Variants in SYNDIG1 observed in about 807,000 individuals in gnomAD.
SYNDIG1 encodes synapse differentiation inducing 1, also known as synapse differentiation-inducing gene protein 1.
In SYNDIG1, 9 loss-of-function variants were observed where a neutral mutation model predicts 19.4. The observed-to-expected ratio is 0.46, with a 90% CI of 0.28 to 0.81. The LOEUF (loss-of-function observed/expected upper bound fraction) is 0.81, where lower values mean the gene tolerates loss of function less well. Among genes scored for constraint, SYNDIG1 ranks in the 30% least tolerant of loss-of-function variants. The pLI is 0.12. For synonymous variants in SYNDIG1, 141 were observed against 145.9 expected, an observed-to-expected ratio of 0.97 and a Z score of 0.24; for missense variants, 311 against 343.3, an observed-to-expected ratio of 0.91 and a Z score of 0.74.
At chr20:24,590,378 T>C (rs2058489536) in intron 3 of SYNDIG1, among the ~76,000 whole-genome samples, 1 of 151,758 alleles carries the variant, frequency 6.6e-6, no homozygotes, top group African/African-American at 2.4e-5. Flanking sequence ...CTTTAGGCTG[T>C]GACCGAGCGG....
At chr20:24,547,410 G>A (rs370011222) in intron 2 of SYNDIG1, among the ~76,000 whole-genome samples, 8 of 152,324 alleles carry the variant, frequency 5.3e-5, no homozygotes, top group Non-Finnish European at 1.2e-4. Context: ...AATATTTATG[G>A]GAGGTTCTCA....
At chr20:24,608,921 A>AT (rs1166814466) in intron 3 of SYNDIG1, among the ~76,000 whole-genome samples, 1 of 152,212 alleles carries the variant, frequency 6.6e-6, no homozygotes, top group African/African-American at 2.4e-5. Context: ...GAGGACAGTA[A>AT]TTTTGTGTGT....
chr20:24,550,842 C>T (rs1396362918), intron 2 of SYNDIG1, among the ~76,000 whole-genome samples: 1 of 152,140 alleles, frequency 6.6e-6, no homozygotes, highest in East Asian at 1.9e-4. Flanking sequence ...ACAGACCATC[C>T]TTGCATTTGG....
At chr20:24,556,484 CT>C (rs2057821027) in intron 2 of SYNDIG1, among the ~76,000 whole-genome samples, 1 of 152,130 alleles carries the variant, frequency 6.6e-6, no homozygotes, top group Non-Finnish European at 1.5e-5. Context: ...TTCAGGAGCT[CT>C]TTTAGGGCAG....
intron 2 of SYNDIG1, among the ~76,000 whole-genome samples, chr20:24,575,003 C>T (rs1319244712): frequency 6.6e-6 from 1 of 152,196 alleles, no homozygotes; most frequent in Non-Finnish European, 1.5e-5. Context: ...GCTTGTCTCC[C>T]TGGAGCACGG....
intron 1 of SYNDIG1, among the ~76,000 whole-genome samples, chr20:24,536,079 T>C (rs2057356039): frequency 6.6e-6 from 1 of 152,150 alleles, no homozygotes; most frequent in African/African-American, 2.4e-5. Flanking sequence ...TCATCAGAAC[T>C]GCAAGGATGG....
intron 2 of SYNDIG1, among the ~76,000 whole-genome samples, chr20:24,557,188 A>G (rs965651032): frequency 6.6e-6 from 1 of 152,112 alleles, no homozygotes; most frequent in African/African-American, 2.4e-5. Context: ...TGCATTGGTT[A>G]TTCTAGGTAT....
At chr20:24,480,030 A>G (rs1370684401) in intron 1 of SYNDIG1, among the ~76,000 whole-genome samples, 1 of 152,104 alleles carries the variant, frequency 6.6e-6, no homozygotes, top group Non-Finnish European at 1.5e-5. Context: ...CACACATTAC[A>G]TAGTCCCACA....
intron 2 of SYNDIG1, among the ~76,000 whole-genome samples, chr20:24,567,448 A>G (rs1156632522): frequency 6.6e-6 from 1 of 152,074 alleles, no homozygotes; most frequent in Non-Finnish European, 1.5e-5. Flanking sequence ...CCTCTGAAGG[A>G]CATCCCCAGC....
chr20:24,579,613 T>G (rs1329761079), intron 2 of SYNDIG1, among the ~76,000 whole-genome samples: 1 of 152,198 alleles, frequency 6.6e-6, no homozygotes, highest in African/African-American at 2.4e-5. Context: ...CACGTGTGGC[T>G]CCTGAGCATG....
intron 3 of SYNDIG1, among the ~76,000 whole-genome samples, chr20:24,644,064 C>T (rs1193616942): frequency 6.6e-6 from 1 of 152,232 alleles, no homozygotes; most frequent in Non-Finnish European, 1.5e-5. Flanking sequence ...ACTAGCTACA[C>T]GCAAACACCC....
chr20:24,498,308 G>A (rs2056350751), intron 1 of SYNDIG1, among the ~76,000 whole-genome samples: 1 of 152,144 alleles, frequency 6.6e-6, no homozygotes, highest in African/African-American at 2.4e-5. Context: ...TAGTATTTGT[G>A]ATAAGAACAC....
At chr20:24,534,575 C>T (rs6114760) in intron 1 of SYNDIG1, among the ~76,000 whole-genome samples, 89,342 of 152,090 alleles carry the variant, frequency 0.59, 27,706 homozygotes, top group East Asian at 0.72. Context: ...TTGCCGTCAG[C>T]GGGTCTTCAC....
chr20:24,549,281 T>C (rs576193780), intron 2 of SYNDIG1, among the ~76,000 whole-genome samples: 1 of 152,178 alleles, frequency 6.6e-6, no homozygotes, highest in Admixed American at 6.5e-5. Flanking sequence ...TAAAATTAAC[T>C]CCTTTTAGCT....
At chr20:24,628,493 A>G (rs2059192430) in intron 3 of SYNDIG1, among the ~76,000 whole-genome samples, 1 of 152,252 alleles carries the variant, frequency 6.6e-6, no homozygotes, top group African/African-American at 2.4e-5. Context: ...CAAGTGAAGA[A>G]GGTCACTATT....
At chr20:24,559,794 T>C (rs1480063726) in intron 2 of SYNDIG1, among the ~76,000 whole-genome samples, 1 of 152,216 alleles carries the variant, frequency 6.6e-6, no homozygotes, top group Non-Finnish European at 1.5e-5. Flanking sequence ...TGTCACTCTG[T>C]TGCCTTCCAG....
chr20:24,528,810 C>T (rs1432820840), intron 1 of SYNDIG1, among the ~76,000 whole-genome samples: 1 of 152,202 alleles, frequency 6.6e-6, no homozygotes, highest in Non-Finnish European at 1.5e-5. Flanking sequence ...TGAGACTATC[C>T]ATGGGCATTT....
At chr20:24,503,143 CCTT>C (rs1299299829) in intron 1 of SYNDIG1, among the ~76,000 whole-genome samples, 4 of 152,156 alleles carry the variant, frequency 2.6e-5, no homozygotes, top group African/African-American at 9.7e-5. Context: ...TCTTCTCATT[CCTT>C]CTTCTCTGTT....
chr20:24,595,240 A>G (rs1048499360), intron 3 of SYNDIG1, among the ~76,000 whole-genome samples: 1 of 152,192 alleles, frequency 6.6e-6, no homozygotes, highest in African/African-American at 2.4e-5. Context: ...AATTTTATCA[A>G]AAGCCTTTTC....
Sources: gnomAD v4.1 joint callset for allele counts (sites outside exome capture counted in the v4.1 genomes callset) on GRCh38, gnomAD v4.1.1 for gene constraint, MANE v1.5 for transcripts, NCBI Gene and HGNC (gene_info 2026-07-23, HGNC 2026-07-21) for gene names.